The following DDO variants were observed in gnomAD, a reference collection of about 807,000 sequenced individuals.
DDO encodes D-aspartate oxidase, DDO.
In DDO, 16 loss-of-function variants were observed where a neutral mutation model predicts 16.8. The observed-to-expected ratio is 0.95, with a 90% CI of 0.65 to 1.45. DDO has a LOEUF of 1.45. DDO is among the 40% of genes most tolerant of loss of function. DDO has a pLI of 0.00. For synonymous variants in DDO, 180 were observed against 167.2 expected (o/e 1.08, Z -0.59); for missense variants, 429 against 420.3 (o/e 1.02, Z -0.18).
chr6:110,409,826 C>T (rs1281590221), intron 2 of DDO, among the ~76,000 whole-genome samples: 1 of 152,190 alleles, frequency 6.6e-6, no homozygotes, highest in African/African-American at 2.4e-5. Flanking sequence ...CACCCCAAAC[C>T]TTAAAAACAA....
chr6:110,398,445 G>A (rs1170446601), intron 4 of DDO, among the ~76,000 whole-genome samples: 1 of 147,850 alleles, frequency 6.8e-6, no homozygotes, highest in Non-Finnish European at 1.5e-5. Flanking sequence ...CCCAGGAGCA[G>A]AGTCCCCTCA....
At chr6:110,407,955 G>T (rs761640945) in intron 3 of DDO, among the ~76,000 whole-genome samples, 6 of 152,036 alleles carry the variant, frequency 3.9e-5, no homozygotes, top group Non-Finnish European at 7.4e-5. Flanking sequence ...TCTCCCTTAG[G>T]TCTCTGCAGC....
chr6:110,408,417 C>T lies in DDO; in HGVS notation c.198G>A (p.Gln66=), dbSNP rs578124013. The T allele has an allele frequency of 6.2e-7, 1 of 1,614,158 alleles. No individual in the cohort carries two copies. Among genetic ancestry groups the T allele is most frequent in the South Asian group, 1.1e-5 (1 of 91,084 alleles). The part of the protein sequence containing the change: ...YPDTPIHTQK[Q]WFRETFNHLF... ...GGTGATTAAAGGTTTCTCTGAACCA[C>T]TGCTTCTGCGTGTGAATGGGTGTAT... Residue 66 remains glutamine (Q), a synonymous_variant, in exon 3 of 5, where the codon CAG becomes CAA. Transcript: ENST00000368924.
In DDO at chr6:110,392,268, GT is replaced by G; in HGVS notation, c.*506del. The stretch of plus-strand genomic sequence containing the variant: ...ATCACAGGCAGCTCTGCAATTGACA[GT>G]GATTTAAATGTTTTCCATACATTAT... On this transcript the variant is annotated 3_prime_UTR_variant, in exon 5 of 5. Coordinates refer to ENST00000368924, the MANE Select transcript of DDO (RefSeq NM_001372108.2). The G allele has an allele frequency of 1.0e-6, 1 of 985,520 alleles. No homozygotes were observed. Among genetic ancestry groups the G allele is most frequent in the Non-Finnish European group, 1.2e-6 (1 of 830,004 alleles). The allele number at this position is 985,520 out of a possible 1,614,324, so 61.0% of individuals were successfully genotyped here. A position where few individuals can be genotyped will look rare whatever the true frequency, so the allele number is the denominator to read the frequency against.
At chr6:110,395,050 A>G (rs570276551) in intron 4 of DDO, among the ~76,000 whole-genome samples, 26 of 152,298 alleles carry the variant, frequency 1.7e-4, no homozygotes, top group African/African-American at 5.8e-4. Context: ...TGGACCTGCT[A>G]TGGTTAATTT....
At chr6:110,402,088 T>A (rs1199212142) in intron 4 of DDO, among the ~76,000 whole-genome samples, 1 of 152,134 alleles carries the variant, frequency 6.6e-6, no homozygotes, top group African/African-American at 2.4e-5. Flanking sequence ...AAACAACTGG[T>A]CTGTACTATT....
intron 2 of DDO, among the ~76,000 whole-genome samples, chr6:110,412,253 TAA>T (rs35501611): frequency 6.9e-6 from 1 of 145,902 alleles, no homozygotes. Context: ...GACTCTGTCT[TAA>T]AAAAAAAAAA....
intron 4 of DDO, among the ~76,000 whole-genome samples, chr6:110,399,736 CCA>C (rs1446851405): frequency 6.6e-6 from 1 of 152,228 alleles, no homozygotes; most frequent in Non-Finnish European, 1.5e-5. Context: ...TGTGGAGGCC[CCA>C]CACCGGGGTC....
intron 3 of DDO, among the ~76,000 whole-genome samples, chr6:110,406,081 G>T (rs530867476): frequency 1.3e-5 from 2 of 152,048 alleles, no homozygotes; most frequent in African/African-American, 2.4e-5. Context: ...CCACTCTTGC[G>T]CTGGGCTAGC....
rs772446143 is a variant in DDO at position 110,393,310 on chromosome 6, C to T, written c.491G>A (p.Arg164Gln). The T allele has an allele frequency of 8.7e-6, 14 of 1,607,254 alleles. No homozygotes were observed. Among genetic ancestry groups the T allele is most frequent in the African/African-American group, 8.0e-5 (6 of 74,808 alleles). The change falls in exon 5 of 5, where the codon CGG becomes CAG. Residue 164 changes from arginine to glutamine, a missense_variant. Physicochemically the swap from Arg to Gln is conservative, Grantham distance 43. Transcript: ENST00000368924. ...AAGTTCCCACAGGTCTTCTATTCGC[C>T]GAGTGAGTGTCCAGCCTCCACTTCC... ...IKGSGGWTLT[R>Q]RIEDLWELHP...
rs149883266 is a variant in DDO at position 110,409,515 on chromosome 6, T to G, written c.173-1073A>C. Reference sequence around the variant, plus strand: ...GATAGAAAGATCTTTGGAGACATCCTGCTTCCCAGGTGAAGCCCCCAGGTC... The same window carrying G: ...GATAGAAAGATCTTTGGAGACATCCGGCTTCCCAGGTGAAGCCCCCAGGTC... On this transcript the variant is annotated intron_variant, in intron 2 of 4. Coordinates refer to ENST00000368924, the MANE Select transcript of DDO (RefSeq NM_001372108.2). Among the ~76,000 whole-genome samples, 481 of 152,338 alleles carry G rather than the reference T, an allele frequency of 3.2e-3. 1 individual carries two copies. Among genetic ancestry groups the G allele is most frequent in the African/African-American group, 0.011 (453 of 41,582 alleles).
At chr6:110,400,652 CAGG>C (rs564924257) in intron 4 of DDO, among the ~76,000 whole-genome samples, 71 of 152,342 alleles carry the variant, frequency 4.7e-4, no homozygotes, top group African/African-American at 1.6e-3. Flanking sequence ...CCCTCTCTCC[CAGG>C]AGGAGTTAAG....
rs372138109 is a variant in DDO, at chr6:110,415,544, C to T, written c.-82G>A. The T allele has an allele frequency of 2.8e-5, 45 of 1,614,192 alleles. No individual in the cohort carries two copies. The highest frequency in any genetic ancestry group is 1.7e-4 in the Middle Eastern group (1 of 6,038). ...TTGTTTCCCAGTGCCTGGCTGGTCT[C>T]ATGCCCTGAGAGACAGAGAGAAAGC... On this transcript the variant is annotated 5_prime_UTR_variant, in exon 1 of 5. An upstream start codon of the reference 5' UTR is lost. Transcript: ENST00000368924.
chr6:110,396,631 G>A (rs572821023), intron 4 of DDO, among the ~76,000 whole-genome samples: 1 of 152,262 alleles, frequency 6.6e-6, no homozygotes, highest in Admixed American at 6.5e-5. Flanking sequence ...AAAGCCAATG[G>A]ATTACTTTTT....
chr6:110,394,964 CCTAG>C (rs1264881338), intron 4 of DDO, among the ~76,000 whole-genome samples: 1 of 152,158 alleles, frequency 6.6e-6, no homozygotes, highest in East Asian at 1.9e-4. Context: ...ATCCCTATGA[CCTAG>C]CTAAGTGCCC....
At chr6:110,403,887 T>C (rs1233690520) in intron 4 of DDO, among the ~76,000 whole-genome samples, 1 of 152,230 alleles carries the variant, frequency 6.6e-6, no homozygotes, top group Admixed American at 6.5e-5. Context: ...ATGCCAGATA[T>C]ATATAAGCGT....
downstream of DDO, among the ~76,000 whole-genome samples, chr6:110,388,362 C>T (rs527999171): frequency 8.5e-5 from 13 of 152,116 alleles, no homozygotes; most frequent in African/African-American, 1.7e-4. Flanking sequence ...TGACAAGTTA[C>T]GAAAGTCCTG....
At chr6:110,404,036 A>C (rs1296839683) in intron 4 of DDO, among the ~76,000 whole-genome samples, 4 of 152,238 alleles carry the variant, frequency 2.6e-5, no homozygotes, top group Admixed American at 6.5e-5. Context: ...GTTCCTATTT[A>C]CCAAAATATA....
At position 110,401,573 on chromosome 6, in the gene DDO, G is replaced by A. The variant is rs115115934; in HGVS notation, c.458+3201C>T. On this transcript the variant is annotated intron_variant, in intron 4 of 4. Coordinates refer to ENST00000368924, the MANE Select transcript of DDO (RefSeq NM_001372108.2). ...CAATTTGAACATCAAAATGATGGGG[G>A]GGATAAATTATAATCCATTGAATAA... Among the ~76,000 whole-genome samples, 251 of 152,044 alleles carry A rather than the reference G, an allele frequency of 1.7e-3. 2 individuals are homozygous for A. The highest frequency in any genetic ancestry group is 5.9e-3 in the African/African-American group (245 of 41,470).
Sources: gnomAD v4.1 joint callset for allele counts (sites outside exome capture counted in the v4.1 genomes callset) on GRCh38, gnomAD v4.1.1 for gene constraint, MANE v1.5 for transcripts, NCBI Gene and HGNC (gene_info 2026-07-23, HGNC 2026-07-21) for gene names.